NUMA1: variants seen among roughly 807,000 people sequenced by gnomAD.
The protein encoded by NUMA1 is nuclear mitotic apparatus protein 1.
A neutral mutation model predicts 237.1 loss-of-function variants in NUMA1; 62 were observed. The ratio of observed to expected loss-of-function variants is 0.26; its 90% CI spans 0.21 to 0.32. NUMA1 has a LOEUF of 0.32. NUMA1 is among the 10% of genes least tolerant of loss of function. The pLI is 1.00. For missense variants in NUMA1, 2,533 were observed against 2,666.5 expected (o/e 0.95, Z 1.10); for synonymous variants, 1,028 against 1,066.1 (o/e 0.96, Z 0.70).
At chr11:72,063,778 G>A (rs1943070991) in intron 2 of NUMA1, among the ~76,000 whole-genome samples, 1 of 151,602 alleles carries the variant, frequency 6.6e-6, no homozygotes, top group African/African-American at 2.4e-5. Flanking sequence ...TTAGCCAGGT[G>A]TGGTGGCATA....
At chr11:72,058,344 G>T (rs889735795) in intron 2 of NUMA1, among the ~76,000 whole-genome samples, 11 of 152,094 alleles carry the variant, frequency 7.2e-5, no homozygotes, top group African/African-American at 2.7e-4. Context: ...AGAAAACTAG[G>T]TTTAAACTTT....
In NUMA1 at chr11:72,015,393, G is replaced by C; in HGVS notation, c.2110C>G (p.Leu704Val). ...AQEKDQLQEQ[L>V]QALKESLKVT... ...TTCAAGGACTCTTTGAGGGCCTGGA[G>C]CTGCTCCTGGAGCTGGTCCTTCTCC... Residue 704 changes from leucine (L) to valine (V), a missense_variant, in exon 15 of 27, where the codon CTC (leucine) becomes GTC (valine). Physicochemically the swap from Leu to Val is conservative, Grantham distance 32. This residue lies in a region of NUMA1 where 1,414 missense variants were observed against 1,508.1 expected (regional missense o/e 0.94). Transcript: ENST00000393695. The surrounding 1 kb of genome is among the most constrained non-coding windows in gnomAD (Gnocchi z 4.0). The C allele has an allele frequency of 1.2e-6, 2 of 1,612,106 alleles. No homozygotes were observed. The highest frequency in any genetic ancestry group is 1.7e-6 in the Non-Finnish European group (2 of 1,180,012).
chr11:72,012,580 G>T, intron 15 of NUMA1, 138 bp from the exon 16 acceptor site: 1 of 867,056 alleles, frequency 1.2e-6, no homozygotes, highest in South Asian at 1.6e-5. Context: ...AAAAATGCCA[G>T]TTAGGCTGAT....
chr11:72,005,142 TC>T, intron 23 of NUMA1, 90 bp downstream of exon 23: 2 of 1,384,852 alleles, frequency 1.4e-6, no homozygotes, highest in Non-Finnish European at 1.9e-6. Flanking sequence ...CAGTCAGTGA[TC>T]CAGGGCCCTA....
intron 2 of NUMA1, chr11:72,041,848 C>T (rs150273920): frequency 0.012 from 1,872 of 152,842 alleles, 47 homozygotes; most frequent in Non-Finnish European, 0.012. Flanking sequence ...GCCAGGATGC[C>T]GTGCTGTGCC....
rs1230531097 is a variant in NUMA1, at chr11:72,008,752, G to T, written c.5152C>A (p.Leu1718Met). The T allele has an allele frequency of 2.5e-6, 4 of 1,614,016 alleles. No individual in the cohort carries two copies. Among genetic ancestry groups the T allele is most frequent in the Non-Finnish European group, 3.4e-6 (4 of 1,180,018 alleles). ...TCCAGGCTGTCAATACTCAAGTCCA[G>T]CTGGGGCTTAGCCTGGGGCTCACGG... is the stretch of plus-strand genomic sequence containing the variant. ...KSREPQAKPQ[L>M]DLSIDSLDLS... The change falls in exon 20 of 27, where the codon CTG (leucine) becomes ATG (methionine). Residue 1718 changes from leucine (L) to methionine (M), a missense_variant. By Grantham distance (15) the Leu-to-Met change is conservative. Transcript: ENST00000393695.
chr11:72,031,456 A>C (rs1445664271), intron 3 of NUMA1, among the ~76,000 whole-genome samples: 1 of 152,200 alleles, frequency 6.6e-6, no homozygotes, highest in Non-Finnish European at 1.5e-5. Context: ...TGATTTCTCT[A>C]CAGACATGAT....
intron 1 of NUMA1, among the ~76,000 whole-genome samples, chr11:72,074,510 G>C (rs772042213): frequency 1.3e-5 from 2 of 152,212 alleles, no homozygotes; most frequent in Non-Finnish European, 2.9e-5. Flanking sequence ...CCAGCACTTT[G>C]AGAGAACTGC....
intron 6 of NUMA1, 60 bp downstream of exon 6, chr11:72,023,005 C>A: frequency 8.3e-7 from 1 of 1,199,642 alleles, no homozygotes; most frequent in South Asian, 1.2e-5. Context: ...CCTGCAGGGT[C>A]CCTCAGGTAC....
In NUMA1 at chr11:72,009,064, C is replaced by T. The variant is rs370993967; in HGVS notation, c.4961G>A (p.Arg1654Gln). 3.7e-6 allele frequency: 6 copies of T among 1,613,610 alleles called. No individual in the cohort carries two copies. The highest frequency in any genetic ancestry group is 2.7e-5 in the African/African-American group (2 of 74,900). Residue 1654 changes from arginine (R) to glutamine (Q), a missense_variant, in exon 19 of 27, where the codon CGG (arginine) becomes CAG (glutamine). By Grantham distance (43) the Arg-to-Gln change is conservative. Coordinates refer to ENST00000393695, the MANE Select transcript of NUMA1 (RefSeq NM_006185.4). The stretch of plus-strand genomic sequence containing the variant: ...AGCCTGCTGTAGCTCATGGCCCAGC[C>T]GTTCAGCTTCAGCTCGCAGCTCTTT... ...ENKELRAEAE[R>Q]LGHELQQAGL...
intron 2 of NUMA1, among the ~76,000 whole-genome samples, chr11:72,050,010 C>T (rs889995036): frequency 6.6e-6 from 1 of 151,962 alleles, no homozygotes; most frequent in Non-Finnish European, 1.5e-5. Flanking sequence ...TTGTGTGTTA[C>T]CCTATTAGGA....
At chr11:72,010,695 T>C in intron 17 of NUMA1, 91 bp downstream of exon 17, 3 of 1,312,686 alleles carry the variant, frequency 2.3e-6, no homozygotes, top group African/African-American at 2.9e-5. Flanking sequence ...GGTGCCCCTC[T>C]TCTGCCCCGA....
At chr11:72,042,986 G>A (rs1036136472) in intron 2 of NUMA1, among the ~76,000 whole-genome samples, 1 of 152,068 alleles carries the variant, frequency 6.6e-6, no homozygotes, top group Admixed American at 6.6e-5. Context: ...GCCGGGTGTG[G>A]TGGCCCGCAC....
chr11:72,071,982 C>T (rs1943470857), intron 1 of NUMA1, among the ~76,000 whole-genome samples: 1 of 152,124 alleles, frequency 6.6e-6, no homozygotes, highest in Non-Finnish European at 1.5e-5. Context: ...CTGCTCACTA[C>T]CTAAGGAAAC....
At position 72,010,833 on chromosome 11, in the gene NUMA1, G is replaced by C. The variant is rs776746127; in HGVS notation, c.4672C>G (p.Leu1558Val). 4.3e-6 allele frequency: 7 copies of C among 1,613,830 alleles called. No individual in the cohort carries two copies. Among genetic ancestry groups the C allele is most frequent in the Non-Finnish European group, 5.9e-6 (7 of 1,179,996 alleles). Residue 1558 changes from leucine (L) to valine (V), a missense_variant, in exon 17 of 27, where the codon CTG (leucine) becomes GTG (valine). Transcript: ENST00000393695. ...TKQVEELSKK[L>V]ADSDQASKVQ... ...TTGCTGGCTTGGTCAGAGTCAGCCAGTTTCTTACTCAGTTCTTCCACCTGG... is the reference window on the plus strand; with the variant it reads ...TTGCTGGCTTGGTCAGAGTCAGCCACTTTCTTACTCAGTTCTTCCACCTGG...
intron 20 of NUMA1, 141 bp downstream of exon 20, chr11:72,008,547 G>T: frequency 1.1e-6 from 1 of 938,826 alleles, no homozygotes; most frequent in Non-Finnish European, 1.6e-6. Context: ...GCCCTAAATA[G>T]ATATCTGGTA....
intron 2 of NUMA1, chr11:72,039,799 C>T (rs1431358217): frequency 6.6e-6 from 1 of 152,226 alleles, no homozygotes; most frequent in Admixed American, 6.5e-5. Flanking sequence ...TAGAAAGATA[C>T]TCCCCATCTG....
In NUMA1 at chr11:72,017,758, T is replaced by C. The variant is rs770867678; in HGVS notation, c.1048A>G (p.Lys350Glu). The C allele has an allele frequency of 6.5e-5, 105 of 1,613,292 alleles. No homozygotes were observed. The highest frequency in any genetic ancestry group is 8.3e-5 in the Non-Finnish European group (98 of 1,179,958). The change falls in exon 13 of 27, where the codon AAG becomes GAG. Residue 350 changes from lysine (K) to glutamate (E), a missense_variant. By Grantham distance (56) the Lys-to-Glu change is moderately conservative (BLOSUM62 1). This residue lies in a region of NUMA1 where 1,414 missense variants were observed against 1,508.1 expected (regional missense o/e 0.94). Transcript: ENST00000393695. ...TTCTCTAGCCACTCCTGAGTGGCCTTGCTGTGCTCCTCCGTCAGCTCATTG... is the reference window on the plus strand; with the variant it reads ...TTCTCTAGCCACTCCTGAGTGGCCTCGCTGTGCTCCTCCGTCAGCTCATTG... ...ALNELTEEHS[K>E]ATQEWLEKQA...
intron 8 of NUMA1, 61 bp from the exon 9 acceptor site, chr11:72,019,678 G>T: frequency 6.5e-7 from 1 of 1,547,252 alleles, no homozygotes; most frequent in Non-Finnish European, 8.8e-7. Context: ...GTAAAGATTT[G>T]CACCTTTATG....
Sources: gnomAD v4.1 joint callset for allele counts (sites outside exome capture counted in the v4.1 genomes callset) on GRCh38, gnomAD v4.1.1 for gene constraint, gnomAD v4.1.1 regional missense constraint, Gnocchi (gnomAD v3.1) non-coding constraint, MANE v1.5 for transcripts, NCBI Gene and HGNC (gene_info 2026-07-23, HGNC 2026-07-21) for gene names.